Variants in TOP6BL observed in about 807,000 individuals in gnomAD.
The protein encoded by TOP6BL is type 2 DNA topoisomerase 6 subunit B-like.
chr11:66,762,197 C>A, the TOP6BL span: 1 of 694,494 alleles, frequency 1.4e-6, no homozygotes, highest in East Asian at 2.6e-5. Flanking sequence ...GCACGCCACA[C>A]CCACAGCCGG....
At chr11:66,799,244 G>C in the TOP6BL span, among the ~76,000 whole-genome samples, 2 of 151,662 alleles carry the variant, frequency 1.3e-5, no homozygotes, top group East Asian at 3.9e-4. Context: ...ATATTAGCTG[G>C]GCATGGTGGC....
chr11:66,753,405 T>C, the TOP6BL span, among the ~76,000 whole-genome samples: 4 of 133,504 alleles, frequency 3.0e-5, no homozygotes, highest in Non-Finnish European at 6.2e-5. Flanking sequence ...CAGGACTTAG[T>C]CTTTTTTTTT....
At chr11:66,806,787 G>A in the TOP6BL span, among the ~76,000 whole-genome samples, 7 of 152,070 alleles carry the variant, frequency 4.6e-5, no homozygotes. Context: ...CAGAAGAGGC[G>A]TGGTATGATA....
chr11:66,767,645 C>G, the TOP6BL span, among the ~76,000 whole-genome samples: 1 of 151,950 alleles, frequency 6.6e-6, no homozygotes, highest in Non-Finnish European at 1.5e-5. Context: ...CTTCTTTTTT[C>G]TTCATAAGAC....
chr11:66,750,174 T>C, the TOP6BL span, among the ~76,000 whole-genome samples: 1 of 152,166 alleles, frequency 6.6e-6, no homozygotes, highest in Non-Finnish European at 1.5e-5. Flanking sequence ...CAGCATTTCA[T>C]GTTAGCATAA....
At chr11:66,792,978 A>G in the TOP6BL span, among the ~76,000 whole-genome samples, 2 of 152,238 alleles carry the variant, frequency 1.3e-5, no homozygotes, top group African/African-American at 2.4e-5. Context: ...GGATGTGACT[A>G]TGATATGTAT....
the TOP6BL span, among the ~76,000 whole-genome samples, chr11:66,774,167 G>A: frequency 6.6e-6 from 1 of 152,048 alleles, no homozygotes. Flanking sequence ...TATGATGTAA[G>A]TTAGGAATCT....
At chr11:66,774,965 T>C in the TOP6BL span, among the ~76,000 whole-genome samples, 2 of 151,384 alleles carry the variant, frequency 1.3e-5, no homozygotes, top group Non-Finnish European at 1.5e-5. Flanking sequence ...ATGCAAAAAT[T>C]AGCCAGGCAT....
the TOP6BL span, among the ~76,000 whole-genome samples, chr11:66,746,114 G>C: frequency 6.6e-6 from 1 of 152,070 alleles, no homozygotes; most frequent in African/African-American, 2.4e-5. Context: ...GGCCCGATAT[G>C]GGAATATCGT....
the TOP6BL span, among the ~76,000 whole-genome samples, chr11:66,805,427 T>C: frequency 3.3e-5 from 5 of 151,828 alleles, no homozygotes; most frequent in African/African-American, 1.2e-4. Context: ...CTGTCTAGAA[T>C]AGGCAAATAC....
chr11:66,835,169 A>AT, the TOP6BL span, among the ~76,000 whole-genome samples: 1 of 152,114 alleles, frequency 6.6e-6, no homozygotes, highest in Non-Finnish European at 1.5e-5. Context: ...CCAGAGCTTC[A>AT]TATCTCAATG....
the TOP6BL span, chr11:66,748,337 T>C: frequency 3.4e-6 from 5 of 1,451,402 alleles, no homozygotes; most frequent in Non-Finnish European, 4.7e-6. Flanking sequence ...TACTGTGATT[T>C]CTAAAGAAGA....
chr11:66,770,014 G>A, the TOP6BL span, among the ~76,000 whole-genome samples: 1 of 152,084 alleles, frequency 6.6e-6, no homozygotes, highest in Non-Finnish European at 1.5e-5. Context: ...CAAAGTGCTG[G>A]GATTACAGGC....
chr11:66,774,513 G>A, the TOP6BL span, among the ~76,000 whole-genome samples: 1 of 152,084 alleles, frequency 6.6e-6, no homozygotes. Context: ...GAGTGCAGTG[G>A]CACAATCTCG....
chr11:66,794,779 C>G, the TOP6BL span, among the ~76,000 whole-genome samples: 8 of 152,316 alleles, frequency 5.3e-5, 1 homozygote, highest in African/African-American at 1.9e-4. Flanking sequence ...GGCTATACTA[C>G]TGAACAGCTA....
chr11:66,777,374 C>G, the TOP6BL span, among the ~76,000 whole-genome samples: 2 of 152,054 alleles, frequency 1.3e-5, no homozygotes, highest in Admixed American at 6.6e-5. Flanking sequence ...GCACCTACCT[C>G]ATAAAATTGT....
chr11:66,812,479 A>T, the TOP6BL span, among the ~76,000 whole-genome samples: 1 of 151,940 alleles, frequency 6.6e-6, no homozygotes, highest in Admixed American at 6.6e-5. Context: ...CCTGGCCCTG[A>T]GTTTGCATCT....
the TOP6BL span, among the ~76,000 whole-genome samples, chr11:66,787,752 C>CATTCTTGA: frequency 1.3e-5 from 2 of 150,468 alleles, no homozygotes; most frequent in African/African-American, 4.9e-5. Flanking sequence ...GCCTGAGAGT[C>CATTCTTGA]ATTCTTGAAT....
the TOP6BL span, among the ~76,000 whole-genome samples, chr11:66,746,500 A>G: frequency 4.6e-5 from 7 of 152,158 alleles, no homozygotes; most frequent in African/African-American, 7.2e-5. Context: ...GGATCACCTG[A>G]GGTCGGGAGT....
Sources: gnomAD v4.1 joint callset for allele counts (sites outside exome capture counted in the v4.1 genomes callset) on GRCh38, gnomAD v4.1.1 for gene constraint, MANE v1.5 for transcripts, NCBI Gene and HGNC (gene_info 2026-07-23, HGNC 2026-07-21) for gene names.